Variants in DOCK8 observed in about 807,000 individuals in gnomAD.
DOCK8 encodes the protein dedicator of cytokinesis protein 8.
DOCK8 carries 141 observed loss-of-function variants against 245.6 expected under a neutral mutation model. That is an observed-to-expected ratio of 0.57 (90% CI 0.50 to 0.66). DOCK8 has a LOEUF of 0.66. Ranked by LOEUF, DOCK8 falls within the 30% of genes least tolerant of loss-of-function variation. The probability of loss-of-function intolerance (pLI) is 0.00; values close to 1 mark genes in which losing one functional copy is unlikely to be tolerated. For missense variants in DOCK8, 2,965 were observed against 2,603.4 expected (o/e 1.14, Z -3.02); for synonymous variants, 1,168 against 970.2 (o/e 1.20, Z -3.79).
At chr9:376,382 A>G (rs758649014) in intron 19 of DOCK8, 77 bp downstream of exon 19, 17 of 1,040,766 alleles carry the variant, frequency 1.6e-5, no homozygotes, top group Non-Finnish European at 2.6e-5. Flanking sequence ...ATAAAAGATC[A>G]GTGAAAATCC....
chr9:426,854 C>T (rs772190813), intron 33 of DOCK8, 31 bp from the exon 34 acceptor site: 13 of 1,591,562 alleles, frequency 8.2e-6, no homozygotes, highest in East Asian at 4.5e-5. Flanking sequence ...GTTTGACATG[C>T]GCTTTAATTT....
chr9:453,404 A>G (rs1401240660), intron 46 of DOCK8, among the ~76,000 whole-genome samples: 5 of 152,150 alleles, frequency 3.3e-5, no homozygotes. Flanking sequence ...AAAAGGCTAG[A>G]AAAATATTTG....
At chr9:384,563 C>T (rs184974458) in intron 22 of DOCK8, among the ~76,000 whole-genome samples, 4 of 152,302 alleles carry the variant, frequency 2.6e-5, no homozygotes, top group African/African-American at 7.2e-5. Flanking sequence ...ATGTCCTCAT[C>T]TCTGCAGAGG....
chr9:412,176 A>G (rs756804617), intron 28 of DOCK8, among the ~76,000 whole-genome samples: 36 of 152,184 alleles, frequency 2.4e-4, no homozygotes, highest in Non-Finnish European at 2.4e-4. Flanking sequence ...GCCAAAGTGG[A>G]CAGATCGCTT....
intron 9 of DOCK8, among the ~76,000 whole-genome samples, chr9:330,307 A>G (rs970041481): frequency 1.3e-5 from 2 of 152,206 alleles, no homozygotes; most frequent in Admixed American, 1.3e-4. Context: ...GCCGTGCCCA[A>G]TTTAAATATT....
rs531586561 is a variant in DOCK8 at position 298,898 on chromosome 9, T to TAA, written c.405-5670_405-5669dup. Among the ~76,000 whole-genome samples, 656 of 139,132 alleles carry TAA rather than the reference T, an allele frequency of 4.7e-3. 6 individuals are homozygous for TAA. The highest frequency in any genetic ancestry group is 0.016 in the African/African-American group (628 of 38,080). The allele number at this position is 139,132 out of a possible 152,430, so 91.3% of individuals were successfully genotyped here. A position where few individuals can be genotyped will look rare whatever the true frequency, so the allele number is the denominator to read the frequency against. On this transcript the variant is annotated intron_variant, in intron 4 of 47. Transcript: ENST00000432829. ...ATACCCTTTAAAATGTACAAGTCCT[T>TAA]AAAAAAAAAAAAAAGGCAAAGGGCA...
At chr9:327,879 G>A in intron 8 of DOCK8, 143 bp from the exon 9 acceptor site, 1 of 754,432 alleles carries the variant, frequency 1.3e-6, no homozygotes, top group Non-Finnish European at 2.3e-6. Context: ...TTATCCAGGA[G>A]CCACTTTCCT....
At chr9:262,108 A>C (rs1280752116) in intron 1 of DOCK8, among the ~76,000 whole-genome samples, 1 of 152,200 alleles carries the variant, frequency 6.6e-6, no homozygotes, top group Non-Finnish European at 1.5e-5. Flanking sequence ...AATATAAATA[A>C]ATAAAGTGTC....
At position 391,049 on chromosome 9, in the gene DOCK8, A is replaced by T. The variant is rs200951366; in HGVS notation, c.2970+483A>T. 2.0e-5 allele frequency among the ~76,000 whole-genome samples: 3 copies of T among 152,284 alleles called. No homozygotes were observed. The East Asian group carries it at 5.8e-4, about 29-fold the overall frequency. On this transcript the variant is annotated intron_variant, in intron 24 of 47. Transcript: ENST00000432829. ...CCTCTCTAACCTCATCTCACGCCAC[A>T]TTCCCCCATCATTCAGCCACATGGT... is the stretch of plus-strand genomic sequence containing the variant.
chr9:356,424 G>A (rs962305125), intron 14 of DOCK8, among the ~76,000 whole-genome samples: 3 of 151,920 alleles, frequency 2.0e-5, no homozygotes, highest in African/African-American at 4.8e-5. Context: ...CAGCTACTCC[G>A]GAGGCTGAGG....
intron 26 of DOCK8, among the ~76,000 whole-genome samples, chr9:400,788 CCATCACCACCACCTCCACCAT>C: frequency 1.3e-5 from 1 of 78,222 alleles, no homozygotes; most frequent in African/African-American, 6.3e-5. Context: ...ACCACCTCCA[CCATCACCACCACCTCCACCAT>C]CACCACCACC....
chr9:286,366 G>T (rs2048823432), intron 2 of DOCK8, 95 bp from the exon 3 acceptor site: 2 of 1,437,190 alleles, frequency 1.4e-6, no homozygotes, highest in Non-Finnish European at 9.6e-7. Flanking sequence ...TACTTACTAA[G>T]TCAAAGGAAA....
At chr9:324,043 C>T (rs1001096823) in intron 7 of DOCK8, among the ~76,000 whole-genome samples, 10 of 152,194 alleles carry the variant, frequency 6.6e-5, no homozygotes, top group African/African-American at 2.4e-4. Context: ...AATGGAAAGG[C>T]AAGCATCCTT....
rs1169544990 is a variant in DOCK8 at position 215,006 on chromosome 9, C to T, written c.30C>T (p.Arg10=). The T allele has an allele frequency of 6.3e-7, 1 of 1,593,840 alleles. No individual in the cohort carries two copies. Among genetic ancestry groups the T allele is most frequent in the Non-Finnish European group, 8.5e-7 (1 of 1,175,004 alleles). The part of the protein sequence containing the change: MATLPSAER[R]AFALKINRYS... Reference sequence around the variant, plus strand: ...CCACTCTGCCGAGCGCAGAGCGCCGCGCGTTCGCGCTCAAGATCAACAGGT... The same window carrying T: ...CCACTCTGCCGAGCGCAGAGCGCCGTGCGTTCGCGCTCAAGATCAACAGGT... Residue 10 remains arginine, a synonymous_variant, in exon 1 of 48, where the codon CGC becomes CGT. Transcript: ENST00000432829.
rs572585812 is a variant in DOCK8, at chr9:432,730, A to G, written c.4785+406A>G. On this transcript the variant is annotated intron_variant, in intron 37 of 47. Transcript: ENST00000432829. ...AGGCTGGGGTAGGATTCCGCTAGGC[A>G]GGGGAAAAGTGAGGGGGAAATTGTG... Among the ~76,000 whole-genome samples, 14 of 152,300 alleles carry G rather than the reference A, an allele frequency of 9.2e-5. No individual in the cohort carries two copies. The South Asian group carries it at 2.9e-3, about 32-fold the overall frequency.
At chr9:382,918 C>T (rs887728435) in intron 22 of DOCK8, among the ~76,000 whole-genome samples, 2 of 152,026 alleles carry the variant, frequency 1.3e-5, no homozygotes, top group Non-Finnish European at 2.9e-5. Context: ...GCTTGGGTAG[C>T]AAAGTTTTAA....
At chr9:253,001 A>G (rs1329028960) in intron 1 of DOCK8, among the ~76,000 whole-genome samples, 1 of 152,134 alleles carries the variant, frequency 6.6e-6, no homozygotes, top group African/African-American at 2.4e-5. Context: ...GTTTGATTCA[A>G]AATGTTTTTT....
intron 1 of DOCK8, chr9:220,652 GA>G (rs1469646718): frequency 3.0e-6 from 1 of 334,074 alleles, no homozygotes; most frequent in Non-Finnish European, 5.8e-6. Context: ...TGGCCTATTT[GA>G]TAAAGGGTTA....
At chr9:310,443 A>T (rs1012790387) in intron 5 of DOCK8, among the ~76,000 whole-genome samples, 1 of 152,184 alleles carries the variant, frequency 6.6e-6, no homozygotes, top group Non-Finnish European at 1.5e-5. Flanking sequence ...CAGTTTTAAA[A>T]AGTTAATACA....
Sources: gnomAD v4.1 joint callset for allele counts (sites outside exome capture counted in the v4.1 genomes callset) on GRCh38, gnomAD v4.1.1 for gene constraint, MANE v1.5 for transcripts, NCBI Gene and HGNC (gene_info 2026-07-23, HGNC 2026-07-21) for gene names.